HTR7: variants seen among roughly 807,000 people sequenced by gnomAD.
The protein encoded by HTR7 is 5-hydroxytryptamine receptor 7.
Under a neutral mutation model 34.0 loss-of-function variants are expected in HTR7, and 16 were observed. The observed-to-expected ratio is 0.47, with a 90% CI of 0.32 to 0.71. The LOEUF (loss-of-function observed/expected upper bound fraction) is 0.71, where lower values mean the gene tolerates loss of function less well. Ranked by LOEUF, HTR7 falls within the 30% of genes least tolerant of loss-of-function variation. HTR7 has a pLI of 0.04. For synonymous variants in HTR7, 265 were observed against 260.2 expected (o/e 1.02, Z -0.18); for missense variants, 504 against 625.5 (o/e 0.81, Z 2.07).
At chr10:90,762,728 T>C (rs1034407960) in intron 1 of HTR7, among the ~76,000 whole-genome samples, 2 of 152,184 alleles carry the variant, frequency 1.3e-5, no homozygotes, top group Non-Finnish European at 2.9e-5. Context: ...ATAAAGGAGC[T>C]TTTACCCGGT....
intron 1 of HTR7, among the ~76,000 whole-genome samples, chr10:90,811,552 C>G (rs1174038692): frequency 6.6e-6 from 1 of 152,060 alleles, no homozygotes; most frequent in African/African-American, 2.4e-5. Flanking sequence ...TGCTATAGTA[C>G]AAGCCACTAG....
At position 90,749,006 on chromosome 10, in the gene HTR7, G is replaced by C; in HGVS notation, c.1128C>G (p.Asn376Lys). ...CATATATAAAAGGGTTAATGAGAGA[G>C]TTTGCATAGCCTAGCCACAGAAATG... is the stretch of plus-strand genomic sequence containing the variant. ...ERTFLWLGYA[N>K]SLINPFIYAF... Residue 376 changes from asparagine to lysine, a missense_variant, in exon 2 of 4, where the codon AAC becomes AAG. Asn to Lys is a moderately conservative substitution (Grantham distance 94). Around this residue, in one of 4 missense-constraint regions of HTR7, gnomAD observed 154 missense variants for 212.1 expected, o/e 0.73. Transcript: ENST00000336152. This position sits in a 1 kb window ranked among gnomAD's most constrained non-coding sequence, Gnocchi z 4.2. 6.2e-7 allele frequency: 1 copy of C among 1,614,092 alleles called. No individual in the cohort carries two copies. The highest frequency in any genetic ancestry group is 8.5e-7 in the Non-Finnish European group (1 of 1,180,010).
Position 90,770,850 on chromosome 10 carries a change from G to A in HTR7, c.540-21256C>T, listed in dbSNP as rs558243664. Among the ~76,000 whole-genome samples the A allele has an allele frequency of 2.3e-4, 35 of 152,192 alleles. 1 individual carries two copies. The highest frequency in any genetic ancestry group is 1.9e-4 in the East Asian group (1 of 5,178). On this transcript the variant is annotated intron_variant, in intron 1 of 3. Transcript: ENST00000336152. ...GGGTTCCCAGTGAGGCCCCACCTTC[G>A]GGCCAGGGAGGGCCTGAAGACTGGG...
chr10:90,782,178 C>T (rs2119849218), intron 1 of HTR7, among the ~76,000 whole-genome samples: 1 of 152,270 alleles, frequency 6.6e-6, no homozygotes, highest in Admixed American at 6.5e-5. Context: ...CTCAATGCCC[C>T]AGACTCCTCA....
At chr10:90,820,960 T>C (rs533214076) in intron 1 of HTR7, among the ~76,000 whole-genome samples, 40 of 152,292 alleles carry the variant, frequency 2.6e-4, no homozygotes, top group Non-Finnish European at 5.0e-4. Flanking sequence ...AGTTTTACAA[T>C]GTGGAAATTG....
Position 90,857,101 on chromosome 10 carries a change from C to G in HTR7, c.539+32G>C. 6.6e-7 allele frequency: 1 copy of G among 1,504,366 alleles called. No individual in the cohort carries two copies. The highest frequency in any genetic ancestry group is 2.4e-5 in the East Asian group (1 of 41,526). 93.2% of individuals were successfully genotyped at this position (1,504,366 alleles called of 1,614,324 possible). On this transcript the variant is annotated intron_variant, in intron 1 of 3. Transcript: ENST00000336152. This position sits in a 1 kb window ranked among gnomAD's most constrained non-coding sequence, Gnocchi z 6.5. ...GCTGAGCTGCCAGCCGGTCCCCAGC[C>G]GGAGCCTGGGACGGGGCGGTCCGGC...
chr10:90,787,723 T>C (rs1845402509), intron 1 of HTR7, among the ~76,000 whole-genome samples: 1 of 152,154 alleles, frequency 6.6e-6, no homozygotes, highest in South Asian at 2.1e-4. Context: ...TGAATATTAC[T>C]ATTCACATTT....
At chr10:90,785,312 G>A (rs4933607) in intron 1 of HTR7, among the ~76,000 whole-genome samples, 39,537 of 151,840 alleles carry the variant, frequency 0.26, 5,470 homozygotes, top group African/African-American at 0.35. Context: ...AAACATCAGA[G>A]GCAGCTAGAA....
Position 90,749,283 on chromosome 10 carries a change from T to A in HTR7, c.851A>T (p.Asp284Val). 1 of 1,614,172 alleles carries A rather than the reference T, an allele frequency of 6.2e-7. No homozygotes were observed. Among genetic ancestry groups the A allele is most frequent in the South Asian group, 1.1e-5 (1 of 91,084 alleles). Residue 284 changes from aspartate (D) to valine (V), a missense_variant, in exon 2 of 4, where the codon GAC becomes GTC. Transcript: ENST00000336152. The surrounding 1 kb of genome is among the most constrained non-coding windows in gnomAD (Gnocchi z 4.2). Reference sequence around the variant, plus strand: ...TATGCCATTCAGGGCGATGACGCTGTCTGGCTCCACTCGAGGGAAGCCAGG... The same window carrying A: ...TATGCCATTCAGGGCGATGACGCTGACTGGCTCCACTCGAGGGAAGCCAGG... ...KFPGFPRVEPDSVIALNGIVK... is the reference protein window; with the variant it reads ...KFPGFPRVEPVSVIALNGIVK...
intron 1 of HTR7, among the ~76,000 whole-genome samples, chr10:90,801,586 T>C (rs1026185631): frequency 6.6e-6 from 1 of 152,236 alleles, no homozygotes; most frequent in African/African-American, 2.4e-5. Flanking sequence ...TTTTCTCCCA[T>C]TAATCTGCCT....
chr10:90,806,122 T>A (rs1254016111), intron 1 of HTR7, among the ~76,000 whole-genome samples: 2 of 152,170 alleles, frequency 1.3e-5, no homozygotes, highest in Non-Finnish European at 2.9e-5. Flanking sequence ...GAGGATGTGG[T>A]TTTTTGCTAA....
intron 1 of HTR7, among the ~76,000 whole-genome samples, chr10:90,763,503 GT>G (rs1405203776): frequency 5.3e-5 from 8 of 152,044 alleles, no homozygotes; most frequent in Non-Finnish European, 8.8e-5. Context: ...GAACATGAAG[GT>G]TTGTTACATA....
At chr10:90,844,588 G>A (rs568099835) in intron 1 of HTR7, among the ~76,000 whole-genome samples, 4 of 151,542 alleles carry the variant, frequency 2.6e-5, no homozygotes, top group East Asian at 1.9e-4. Flanking sequence ...TTAGCCGGGC[G>A]TGGTGGTGGG....
chr10:90,752,759 T>C (rs117926841), intron 1 of HTR7, among the ~76,000 whole-genome samples: 2,023 of 152,228 alleles, frequency 0.013, 20 homozygotes, highest in Non-Finnish European at 0.018. Context: ...TAGTAAAAAA[T>C]TGGATATTCT....
chr10:90,800,340 G>A (rs931812845), intron 1 of HTR7, among the ~76,000 whole-genome samples: 5 of 151,850 alleles, frequency 3.3e-5, no homozygotes, highest in African/African-American at 1.2e-4. Context: ...AAAATTCTAA[G>A]CCCCCAACTG....
At chr10:90,774,155 C>T (rs967891058) in intron 1 of HTR7, among the ~76,000 whole-genome samples, 19 of 152,106 alleles carry the variant, frequency 1.2e-4, no homozygotes, top group African/African-American at 4.3e-4. Context: ...CATCTTGATC[C>T]AGGAGCTCAA....
chr10:90,792,678 T>C (rs75140179), intron 1 of HTR7, among the ~76,000 whole-genome samples: 2,801 of 152,150 alleles, frequency 0.018, 99 homozygotes, highest in African/African-American at 0.064. Context: ...GTTGAAAATA[T>C]CATTACATTG....
intron 1 of HTR7, among the ~76,000 whole-genome samples, chr10:90,833,445 A>T (rs1564698017): frequency 1.3e-5 from 2 of 152,198 alleles, no homozygotes; most frequent in Non-Finnish European, 2.9e-5. Context: ...TAAATTATCT[A>T]AGCCTTTCCT....
chr10:90,805,678 A>C (rs1845694138), intron 1 of HTR7, among the ~76,000 whole-genome samples: 1 of 152,198 alleles, frequency 6.6e-6, no homozygotes, highest in Non-Finnish European at 1.5e-5. Context: ...AGGGGAGAGA[A>C]ATTTTTTGAA....
Sources: allele counts gnomAD v4.1 joint callset (sites outside exome capture counted in the v4.1 genomes callset), GRCh38; gene constraint gnomAD v4.1.1; regional missense constraint gnomAD v4.1.1; non-coding constraint Gnocchi (gnomAD v3.1); transcripts MANE v1.5; gene names NCBI Gene and HGNC (gene_info 2026-07-23, HGNC 2026-07-21).